Variants in ATF7IP observed in about 807,000 individuals in gnomAD.
ATF7IP encodes the protein activating transcription factor 7-interacting protein 1.
ATF7IP carries 23 observed loss-of-function variants against 106.4 expected under a neutral mutation model. The observed-to-expected ratio is 0.22, with a 90% CI of 0.16 to 0.31. The LOEUF (loss-of-function observed/expected upper bound fraction) is 0.31, where lower values mean the gene tolerates loss of function less well. Ranked by LOEUF, ATF7IP falls within the 10% of genes least tolerant of loss-of-function variation. The pLI is 1.00. For synonymous variants in ATF7IP, 542 were observed against 539.0 expected (o/e 1.01, Z -0.08); for missense variants, 1,334 against 1,524.3 (o/e 0.88, Z 2.08).
chr12:14,390,096 C>T (rs1274490218), intron 1 of ATF7IP, among the ~76,000 whole-genome samples: 1 of 152,210 alleles, frequency 6.6e-6, no homozygotes, highest in African/African-American at 2.4e-5. Flanking sequence ...GTCCTCTTCA[C>T]TGAATCACGT....
At chr12:14,447,275 G>A (rs1327421042) in intron 6 of ATF7IP, among the ~76,000 whole-genome samples, 1 of 129,266 alleles carries the variant, frequency 7.7e-6, no homozygotes, top group Non-Finnish European at 1.6e-5. Flanking sequence ...TTTAGGTTAT[G>A]CAATTCTTTT....
At chr12:14,407,903 A>G (rs1940690687) in intron 1 of ATF7IP, among the ~76,000 whole-genome samples, 1 of 152,098 alleles carries the variant, frequency 6.6e-6, no homozygotes, top group African/African-American at 2.4e-5. Context: ...TTGGTAAGTT[A>G]TTTAAGCTTT....
intron 1 of ATF7IP, among the ~76,000 whole-genome samples, chr12:14,396,254 C>G (rs1939835302): frequency 6.6e-6 from 1 of 151,814 alleles, no homozygotes; most frequent in Admixed American, 6.6e-5. Flanking sequence ...CAGGCTCTTT[C>G]TGTAACCAAA....
chr12:14,483,466 C>T (rs1421607644), intron 13 of ATF7IP, among the ~76,000 whole-genome samples: 1 of 152,106 alleles, frequency 6.6e-6, no homozygotes, highest in Non-Finnish European at 1.5e-5. Flanking sequence ...GTCCAGGTGG[C>T]AATCTTAAGT....
chr12:14,423,540 C>T (rs1941644740), intron 1 of ATF7IP, among the ~76,000 whole-genome samples: 1 of 136,198 alleles, frequency 7.3e-6, no homozygotes, highest in Admixed American at 7.2e-5. Context: ...GTTGTTCTTA[C>T]ACTTTTATTT....
At position 14,488,072 on chromosome 12, in the gene ATF7IP, C is replaced by T. The variant is rs150999411; in HGVS notation, c.3280+6887C>T. Among the ~76,000 whole-genome samples the T allele has an allele frequency of 7.2e-5, 11 of 152,134 alleles. No homozygotes were observed. The East Asian group carries it at 2.1e-3, about 29-fold the overall frequency. Reference sequence around the variant, plus strand: ...TCTAATCATATTAAGCAGCCAACTCCAGAAACCCCAAAATCAATGAAAGAA... The same window carrying T: ...TCTAATCATATTAAGCAGCCAACTCTAGAAACCCCAAAATCAATGAAAGAA... On this transcript the variant is annotated intron_variant, in intron 13 of 14. Coordinates refer to ENST00000261168, the MANE Select transcript of ATF7IP (RefSeq NM_018179.5).
intron 13 of ATF7IP, 36 bp downstream of exon 13, chr12:14,481,221 A>T (rs1186560611): frequency 6.2e-7 from 1 of 1,607,310 alleles, no homozygotes; most frequent in African/African-American, 1.3e-5. Flanking sequence ...CCCAAGATAC[A>T]TGTAGTTCTC....
intron 6 of ATF7IP, among the ~76,000 whole-genome samples, chr12:14,453,629 C>CT (rs35691070): frequency 0.021 from 3,089 of 145,852 alleles, 34 homozygotes; most frequent in Middle Eastern, 0.033. Context: ...AATTGAGTAT[C>CT]TTTTTTTTTT....
At chr12:14,409,921 T>G (rs1940813346) in intron 1 of ATF7IP, among the ~76,000 whole-genome samples, 1 of 152,116 alleles carries the variant, frequency 6.6e-6, no homozygotes, top group Non-Finnish European at 1.5e-5. Context: ...AATATCTAGT[T>G]TATTGAGATA....
intron 10 of ATF7IP, among the ~76,000 whole-genome samples, chr12:14,472,142 C>A (rs1044640211): frequency 2.6e-5 from 4 of 151,952 alleles, no homozygotes; most frequent in African/African-American, 9.7e-5. Flanking sequence ...TCTTAACTGC[C>A]CTCTAATGCC....
At chr12:14,475,812 C>A in intron 10 of ATF7IP, 78 bp from the exon 11 acceptor site, 1 of 1,146,842 alleles carries the variant, frequency 8.7e-7, no homozygotes, top group Non-Finnish European at 1.3e-6. Context: ...TCTCATTTTA[C>A]CTCACTTATC....
intron 1 of ATF7IP, among the ~76,000 whole-genome samples, chr12:14,371,607 A>G (rs935139874): frequency 6.6e-6 from 1 of 152,086 alleles, no homozygotes; most frequent in Non-Finnish European, 1.5e-5. Flanking sequence ...GGAGGGTTAT[A>G]TTTCTACTGT....
intron 6 of ATF7IP, among the ~76,000 whole-genome samples, chr12:14,451,373 A>G (rs1943195031): frequency 2.0e-5 from 3 of 150,406 alleles, no homozygotes; most frequent in African/African-American, 2.4e-5. Context: ...TCTATTCTCT[A>G]TTTTTGTTTA....
chr12:14,421,919 C>T (rs1941532902), intron 1 of ATF7IP, among the ~76,000 whole-genome samples: 1 of 152,070 alleles, frequency 6.6e-6, no homozygotes, highest in South Asian at 2.1e-4. Flanking sequence ...AATTCATTAC[C>T]TTTTTAAGAA....
chr12:14,494,333 A>ATATATATATATATATATATATATGTGTG (rs1234871100), intron 13 of ATF7IP, among the ~76,000 whole-genome samples: 1 of 86,038 alleles, frequency 1.2e-5, no homozygotes, highest in Non-Finnish European at 2.3e-5. Flanking sequence ...ATATATATAT[A>ATATATATATATATATATATATATGTGTG]TGTGTGTGTG....
intron 9 of ATF7IP, among the ~76,000 whole-genome samples, chr12:14,464,460 C>T (rs920999127): frequency 1.3e-5 from 2 of 152,226 alleles, no homozygotes; most frequent in African/African-American, 2.4e-5. Context: ...TAAGAGATAA[C>T]TGCCAGTTTA....
chr12:14,455,613 C>G (rs901291344), intron 6 of ATF7IP, among the ~76,000 whole-genome samples: 12 of 152,104 alleles, frequency 7.9e-5, no homozygotes, highest in African/African-American at 2.7e-4. Flanking sequence ...GAGGCATGTT[C>G]TGGCTCTGTC....
In ATF7IP at chr12:14,389,275, TG is replaced by T. The variant is rs1447019212; in HGVS notation, c.-8+23451del. Among the ~76,000 whole-genome samples, 4 of 152,346 alleles carry T rather than the reference TG, an allele frequency of 2.6e-5. No individual in the cohort carries two copies. The Middle Eastern group carries it at 0.01, about 389-fold the overall frequency. On this transcript the variant is annotated intron_variant, in intron 1 of 14. Transcript: ENST00000261168. Reference sequence around the variant, plus strand: ...TGTTATATATTCGTTTTTGTAGTACTGGGTCCTACTCTGTTAGCATAAATTA... The same window carrying T: ...TGTTATATATTCGTTTTTGTAGTACTGGTCCTACTCTGTTAGCATAAATTA...
chr12:14,400,002 G>C (rs751977983), intron 1 of ATF7IP, among the ~76,000 whole-genome samples: 1 of 152,176 alleles, frequency 6.6e-6, no homozygotes, highest in Non-Finnish European at 1.5e-5. Context: ...GTCTATATAA[G>C]TTACTACCCT....
Sources: gnomAD v4.1 joint callset for allele counts (sites outside exome capture counted in the v4.1 genomes callset) on GRCh38, gnomAD v4.1.1 for gene constraint, MANE v1.5 for transcripts, NCBI Gene and HGNC (gene_info 2026-07-23, HGNC 2026-07-21) for gene names.